Variants in CHP2 observed in about 807,000 individuals in gnomAD.
CHP2 encodes the protein calcineurin B homologous protein 2.
Under a neutral mutation model 24.7 loss-of-function variants are expected in CHP2, and 31 were observed. The ratio of observed to expected loss-of-function variants is 1.26; its 90% CI spans 0.94 to 1.69. The LOEUF is 1.69. CHP2 is among the 40% of genes most tolerant of loss of function. CHP2 has a pLI of 0.00. For missense variants in CHP2, 319 were observed against 261.5 expected (o/e 1.22, Z -1.52); for synonymous variants, 97 against 99.1 (o/e 0.98, Z 0.13).
At position 23,755,700 on chromosome 16, in the gene CHP2, G is replaced by T; in HGVS notation, c.107G>T (p.Arg36Leu). The change falls in exon 2 of 7, where the codon CGG (arginine) becomes CTG (leucine). Residue 36 changes from arginine (R) to leucine (L), a missense_variant. Arg to Leu is a moderately radical substitution (Grantham distance 102, BLOSUM62 -2). Coordinates refer to ENST00000300113, the MANE Select transcript of CHP2 (RefSeq NM_022097.4). The stretch of plus-strand genomic sequence containing the variant: ...CTGCTCCGCCTGCACCACCGGTTCC[G>T]GGCACTGGACAGGAATAAGAAGGGC... Reference protein sequence around the residue: ...ASLLRLHHRFRALDRNKKGYL... With the variant: ...ASLLRLHHRFLALDRNKKGYL... The T allele has an allele frequency of 6.2e-7, 1 of 1,614,154 alleles. No individual in the cohort carries two copies. The highest frequency in any genetic ancestry group is 8.5e-7 in the Non-Finnish European group (1 of 1,180,034).
At chr16:23,755,812 C>A in intron 2 of CHP2, 35 bp from the exon 3 acceptor site, 1 of 1,613,940 alleles carries the variant, frequency 6.2e-7, no homozygotes, top group Non-Finnish European at 8.5e-7. Flanking sequence ...CGTCTGGCAT[C>A]TCTGCCTTAC....
rs1961248764 is a variant in CHP2 at position 23,757,862 on chromosome 16, T to C, written c.*279T>C. The C allele has an allele frequency of 2.1e-6, 1 of 473,118 alleles. No homozygotes were observed. The highest frequency in any genetic ancestry group is 2.0e-5 in the African/African-American group (1 of 51,188). The allele number at this position is 473,118 out of a possible 1,614,324, so 29.3% of individuals were successfully genotyped here. A position where few individuals can be genotyped will look rare whatever the true frequency, so the allele number is the denominator to read the frequency against. On this transcript the variant is annotated 3_prime_UTR_variant, in exon 7 of 7. Transcript: ENST00000300113. Reference sequence around the variant, plus strand: ...CATTTATTGTGCACTTTATTTCTATTATGATTACATTGTAATATATAATGA... The same window carrying C: ...CATTTATTGTGCACTTTATTTCTATCATGATTACATTGTAATATATAATGA...
rs1211732108 is a variant in CHP2, at chr16:23,758,056, G to A, written c.*473G>A. On this transcript the variant is annotated 3_prime_UTR_variant, in exon 7 of 7. Coordinates refer to ENST00000300113, the MANE Select transcript of CHP2 (RefSeq NM_022097.4). ...ATCCTTTGGTGTGCAGTTCACAGTA[G>A]GATTTGGGCTCCTATGATAATCTAA... is the stretch of plus-strand genomic sequence containing the variant. 1 of 184,110 alleles carries A rather than the reference G, an allele frequency of 5.4e-6. No homozygotes were observed. Among genetic ancestry groups the A allele is most frequent in the East Asian group, 1.4e-4 (1 of 7,252 alleles). 11.4% of individuals were successfully genotyped at this position (184,110 alleles called of 1,614,324 possible).
Position 23,755,894 on chromosome 16 carries a change from G to A in CHP2, c.188G>A (p.Gly63Glu). 1 of 1,614,224 alleles carries A rather than the reference G, an allele frequency of 6.2e-7. No homozygotes were observed. Among genetic ancestry groups the A allele is most frequent in the Non-Finnish European group, 8.5e-7 (1 of 1,180,046 alleles). The change falls in exon 3 of 7, where the codon GGA becomes GAA. Residue 63 changes from glycine (G) to glutamate (E), a missense_variant. Transcript: ENST00000300113. ...QIGALAVNPL[G>E]DRIIESFFPD... ...GGGGCGCTCGCCGTGAACCCCCTGG[G>A]AGACCGAATTATAGAAAGCTTCTTC...
In CHP2 at chr16:23,756,407, C is replaced by T. The variant is rs747808324; in HGVS notation, c.372C>T (p.Asp124=). 16 of 1,613,818 alleles carry T rather than the reference C, an allele frequency of 9.9e-6. No homozygotes were observed. The East Asian group carries it at 2.9e-4, about 29-fold the overall frequency. The part of the protein sequence containing the change: ...NKLHYAFQLY[D]LDRDGKISRH... The stretch of plus-strand genomic sequence containing the variant: ...CCCCAGATGCATTTCAGCTCTATGA[C>T]CTGGATCGCGATGGGAAGATCTCCA... The change falls in exon 5 of 7, where the codon GAC becomes GAT. Residue 124 remains aspartate (D), a synonymous_variant. Coordinates refer to ENST00000300113, the MANE Select transcript of CHP2 (RefSeq NM_022097.4).
chr16:23,756,591 G>A lies in CHP2; in HGVS notation c.414+142G>A, dbSNP rs1015161875. On this transcript the variant is annotated intron_variant, in intron 5 of 6. Transcript: ENST00000300113. ...TGGTTGGGAAATGGGAATGGGTGCA[G>A]TTAGAGTGTGGGTTTGTTGGGAGTC... is the stretch of plus-strand genomic sequence containing the variant. The A allele has an allele frequency of 4.1e-6, 3 of 729,060 alleles. No homozygotes were observed. The Admixed American group carries it at 6.1e-5, about 15-fold the overall frequency. 45.2% of individuals were successfully genotyped at this position (729,060 alleles called of 1,614,324 possible).
Position 23,758,163 on chromosome 16 carries a change from C to G in CHP2, c.*580C>G, listed in dbSNP as rs1389970750. 2 of 165,178 alleles carry G rather than the reference C, an allele frequency of 1.2e-5. No homozygotes were observed. The highest frequency in any genetic ancestry group is 2.6e-5 in the Non-Finnish European group (2 of 75,644). 10.2% of individuals were successfully genotyped at this position (165,178 alleles called of 1,614,324 possible). A position where few individuals can be genotyped will look rare whatever the true frequency, so the allele number is the denominator to read the frequency against. The stretch of plus-strand genomic sequence containing the variant: ...GTGGCTGTAAATATAGATGAAGCTT[C>G]AGCTCGCCTGCCGCTCACCTTGTGC... On this transcript the variant is annotated 3_prime_UTR_variant, in exon 7 of 7. Coordinates refer to ENST00000300113, the MANE Select transcript of CHP2 (RefSeq NM_022097.4).
In CHP2 at chr16:23,757,500, C is replaced by G. The variant is rs368532840; in HGVS notation, c.538-30C>G. The G allele has an allele frequency of 1.1e-5, 17 of 1,610,520 alleles. No homozygotes were observed. The African/African-American group carries it at 2.1e-4, about 20-fold the overall frequency. ...GGAGCATGGAGAGCTGAGAGTCAAG[C>G]CTCTTGCCTGCCATTTGTTTTTCCC... On this transcript the variant is annotated intron_variant, in intron 6 of 6. Transcript: ENST00000300113.
At position 23,756,549 on chromosome 16, in the gene CHP2, G is replaced by A. The variant is rs781307565; in HGVS notation, c.414+100G>A. On this transcript the variant is annotated intron_variant, in intron 5 of 6. Transcript: ENST00000300113. ...GGTGGGATGATTGGGGAACTGGGGCGCAGATAATTGGGGTATTGGTTGGGA... is the reference window on the plus strand; with the variant it reads ...GGTGGGATGATTGGGGAACTGGGGCACAGATAATTGGGGTATTGGTTGGGA... 1.8e-4 allele frequency: 184 copies of A among 1,019,946 alleles called. 1 individual carries two copies. The highest frequency in any genetic ancestry group is 2.4e-4 in the Non-Finnish European group (156 of 661,416). The allele number at this position is 1,019,946 out of a possible 1,614,324, so 63.2% of individuals were successfully genotyped here.
At chr16:23,757,380 CT>C in intron 6 of CHP2, 57 bp downstream of exon 6, 2 of 1,594,054 alleles carry the variant, frequency 1.3e-6, no homozygotes, top group Non-Finnish European at 1.7e-6. Flanking sequence ...GGCAGACAGA[CT>C]TGGGAAACGT....
intron 1 of CHP2, 181 bp downstream of exon 1, chr16:23,755,297 G>C (rs377012743): frequency 3.3e-6 from 2 of 599,012 alleles, no homozygotes; most frequent in Non-Finnish European, 5.9e-6. Context: ...GTTAACCTAG[G>C]GGTCCCAGCC....
Position 23,755,435 on chromosome 16 carries a change from C to T in CHP2, c.68-226C>T, listed in dbSNP as rs564167612. 3.8e-4 allele frequency: 229 copies of T among 603,256 alleles called. 2 individuals are homozygous for T. The highest frequency in any genetic ancestry group is 3.7e-3 in the African/African-American group (200 of 53,968). 37.4% of individuals were successfully genotyped at this position (603,256 alleles called of 1,614,324 possible). A position where few individuals can be genotyped will look rare whatever the true frequency, so the allele number is the denominator to read the frequency against. ...GCGGTTGGAAGGGATGGCTTTGGTT[C>T]TTTGGTTTTCGGGAGGTTGCGAGCC... On this transcript the variant is annotated intron_variant, in intron 1 of 6. Coordinates refer to ENST00000300113, the MANE Select transcript of CHP2 (RefSeq NM_022097.4).
intron 2 of CHP2, 23 bp from the exon 3 acceptor site, chr16:23,755,824 C>A (rs768716129): frequency 1.2e-6 from 2 of 1,614,176 alleles, no homozygotes; most frequent in Non-Finnish European, 1.7e-6. Flanking sequence ...CTGCCTTACC[C>A]TCTTTGAAAT....
At chr16:23,755,191 G>A (rs1208231160) in intron 1 of CHP2, 75 bp downstream of exon 1, 6 of 1,102,630 alleles carry the variant, frequency 5.4e-6, no homozygotes, top group Non-Finnish European at 7.9e-6. Context: ...AAGGGGTTGG[G>A]TTGAAGGATG....
chr16:23,757,321 A>G lies in CHP2; in HGVS notation c.535A>G (p.Lys179Glu). 3 of 1,610,066 alleles carry G rather than the reference A, an allele frequency of 1.9e-6. No individual in the cohort carries two copies. In the African/African-American group the frequency reaches 4.0e-5, roughly 21 times the overall value. Residue 179 changes from lysine to glutamate, a missense_variant and splice_region_variant, in exon 6 of 7, where the codon AAG (lysine) becomes GAG (glutamate). Coordinates refer to ENST00000300113, the MANE Select transcript of CHP2 (RefSeq NM_022097.4). ...GGCTGTGTCCTTCGTGGAGTTCACC[A>G]AGGTCAGAGTGCCCTTGGGGATTGG... ...DGAVSFVEFT[K>E]SLEKMDVEQK...
In CHP2 at chr16:23,757,870, C is replaced by T. The variant is rs909313656; in HGVS notation, c.*287C>T. 1 of 457,536 alleles carries T rather than the reference C, an allele frequency of 2.2e-6. No individual in the cohort carries two copies. The highest frequency in any genetic ancestry group is 4.0e-6 in the Non-Finnish European group (1 of 250,734). The allele number at this position is 457,536 out of a possible 1,614,324, so 28.3% of individuals were successfully genotyped here. A position where few individuals can be genotyped will look rare whatever the true frequency, so the allele number is the denominator to read the frequency against. ...GTGCACTTTATTTCTATTATGATTACATTGTAATATATAATGAAATAATTA... is the reference window on the plus strand; with the variant it reads ...GTGCACTTTATTTCTATTATGATTATATTGTAATATATAATGAAATAATTA... On this transcript the variant is annotated 3_prime_UTR_variant, in exon 7 of 7. Transcript: ENST00000300113.
Position 23,755,622 on chromosome 16 carries a change from G to A in CHP2, c.68-39G>A, listed in dbSNP as rs375459444. The A allele has an allele frequency of 2.6e-5, 42 of 1,588,288 alleles. No homozygotes were observed. The African/African-American group carries it at 5.1e-4, about 19-fold the overall frequency. On this transcript the variant is annotated intron_variant, in intron 1 of 6. Transcript: ENST00000300113. ...GGGGCGGGTTTCTGGAGCTGGCCCT[G>A]CAGAGTCACACACCCCCACCCCACT...
At chr16:23,755,336 G>C (rs912516601) in intron 1 of CHP2, 2 of 594,072 alleles carry the variant, frequency 3.4e-6, no homozygotes, top group East Asian at 2.8e-5. Context: ...CCGGGTTCAC[G>C]GGGTCGGAGT....
At position 23,755,682 on chromosome 16, in the gene CHP2, G is replaced by T. The variant is rs754579930; in HGVS notation, c.89G>T (p.Arg30Leu). Reference protein sequence around the residue: ...ETGFSQASLLRLHHRFRALDR... With the variant: ...ETGFSQASLLLLHHRFRALDR... ...GCAGTCTCCCAAGCCAGCCTGCTCC[G>T]CCTGCACCACCGGTTCCGGGCACTG... Residue 30 changes from arginine to leucine, a missense_variant, in exon 2 of 7, where the codon CGC becomes CTC. Physicochemically the swap from Arg to Leu is moderately radical, Grantham distance 102 (BLOSUM62 -2). Coordinates refer to ENST00000300113, the MANE Select transcript of CHP2 (RefSeq NM_022097.4). The T allele has an allele frequency of 1.1e-5, 17 of 1,613,960 alleles. No individual in the cohort carries two copies. Among genetic ancestry groups the T allele is most frequent in the East Asian group, 6.7e-5 (3 of 44,886 alleles).
Sources: allele counts gnomAD v4.1 joint callset, GRCh38; gene constraint gnomAD v4.1.1; transcripts MANE v1.5; gene names NCBI Gene and HGNC (gene_info 2026-07-23, HGNC 2026-07-21).